Variants in SORCS1 observed in about 807,000 individuals in gnomAD.
SORCS1 encodes the protein sortilin related VPS10 domain containing receptor 1, also known as VPS10 domain-containing receptor SorCS1.
In SORCS1, 60 loss-of-function variants were observed where a neutral mutation model predicts 146.1. The ratio of observed to expected loss-of-function variants is 0.41; its 90% CI spans 0.33 to 0.51. The LOEUF is 0.51. SORCS1 is among the 20% of genes least tolerant of loss of function. The pLI, the probability that SORCS1 is intolerant of heterozygous loss-of-function variation, is 0.21. For synonymous variants in SORCS1, 637 were observed against 584.0 expected, an observed-to-expected ratio of 1.09 and a Z score of -1.31; for missense variants, 1,352 against 1,487.6, an observed-to-expected ratio of 0.91 and a Z score of 1.50.
chr10:106,663,517 T>A (rs1160796567), intron 17 of SORCS1, among the ~76,000 whole-genome samples: 2 of 152,210 alleles, frequency 1.3e-5, no homozygotes, highest in Non-Finnish European at 2.9e-5. Context: ...AGTAAAAATC[T>A]AAATGTATAG....
chr10:106,621,754 G>A (rs1847761597), intron 19 of SORCS1, among the ~76,000 whole-genome samples: 1 of 151,802 alleles, frequency 6.6e-6, no homozygotes, highest in Admixed American at 6.6e-5. Context: ...TTTCTTTTTT[G>A]TTATTCACAT....
intron 2 of SORCS1, among the ~76,000 whole-genome samples, chr10:106,941,351 C>T (rs967713966): frequency 1.6e-4 from 24 of 152,164 alleles, no homozygotes; most frequent in African/African-American, 5.8e-4. Flanking sequence ...CACCATAAGC[C>T]TATTAGATAA....
intron 1 of SORCS1, among the ~76,000 whole-genome samples, chr10:107,000,511 G>C (rs1403812950): frequency 6.6e-6 from 1 of 151,978 alleles, no homozygotes; most frequent in Non-Finnish European, 1.5e-5. Context: ...GGAGGCTGAG[G>C]CAGGGGAATC....
chr10:107,157,934 C>A (rs1336133874), intron 1 of SORCS1, among the ~76,000 whole-genome samples: 1 of 152,152 alleles, frequency 6.6e-6, no homozygotes, highest in Non-Finnish European at 1.5e-5. Flanking sequence ...CTTCTCTACA[C>A]CTTTTAGCCA....
intron 2 of SORCS1, among the ~76,000 whole-genome samples, chr10:106,881,076 CA>C (rs59128024): frequency 0.019 from 1,311 of 69,166 alleles, 21 homozygotes; most frequent in East Asian, 0.14. Context: ...GACTCTGTCT[CA>C]AAAAAAAAAA....
At chr10:106,931,693 C>T (rs1196137819) in intron 2 of SORCS1, among the ~76,000 whole-genome samples, 2 of 152,282 alleles carry the variant, frequency 1.3e-5, no homozygotes, top group Admixed American at 6.5e-5. Context: ...GGTTTAAGAA[C>T]AGGGATAAGT....
At chr10:107,122,334 C>T (rs996207829) in intron 1 of SORCS1, among the ~76,000 whole-genome samples, 5 of 152,106 alleles carry the variant, frequency 3.3e-5, no homozygotes, top group African/African-American at 1.2e-4. Context: ...CATTTCCTTC[C>T]TTCTTTTCCC....
intron 25 of SORCS1, chr10:106,578,692 T>G: frequency 9.8e-7 from 1 of 1,023,740 alleles, no homozygotes; most frequent in South Asian, 3.9e-5. Flanking sequence ...CCATGTTTCA[T>G]TCTAGTCAAT....
intron 2 of SORCS1, among the ~76,000 whole-genome samples, chr10:106,899,774 A>G (rs758853551): frequency 2.0e-5 from 3 of 151,988 alleles, no homozygotes; most frequent in Non-Finnish European, 4.4e-5. Flanking sequence ...AACTTCCTTC[A>G]TAAGTTCCTG....
At chr10:107,024,663 T>C (rs529345740) in intron 1 of SORCS1, among the ~76,000 whole-genome samples, 1 of 152,180 alleles carries the variant, frequency 6.6e-6, no homozygotes, top group Non-Finnish European at 1.5e-5. Context: ...AAAGTACCTA[T>C]CACCCAGTTT....
intron 18 of SORCS1, among the ~76,000 whole-genome samples, chr10:106,639,992 TG>T (rs1848965747): frequency 6.6e-6 from 1 of 151,538 alleles, no homozygotes; most frequent in Non-Finnish European, 1.5e-5. Context: ...CACTCCAGCC[TG>T]GCAACAGGGT....
intron 13 of SORCS1, 132 bp from the exon 14 acceptor site, chr10:106,675,288 A>G: frequency 1.6e-6 from 1 of 637,880 alleles, no homozygotes; most frequent in East Asian, 2.8e-5. Context: ...TGAGCCTTTC[A>G]TATGAATAAG....
chr10:107,061,818 T>C (rs1426983691), intron 1 of SORCS1, among the ~76,000 whole-genome samples: 1 of 152,148 alleles, frequency 6.6e-6, no homozygotes, highest in Non-Finnish European at 1.5e-5. Context: ...GAATGACTCA[T>C]TAAAAACTGC....
At chr10:107,043,384 C>T (rs952646712) in intron 1 of SORCS1, among the ~76,000 whole-genome samples, 19 of 152,086 alleles carry the variant, frequency 1.2e-4, no homozygotes, top group Non-Finnish European at 5.9e-5. Flanking sequence ...ATGTTGATTC[C>T]GCCGTCTGAA....
At chr10:106,632,884 A>G (rs144101658) in intron 18 of SORCS1, among the ~76,000 whole-genome samples, 1 of 152,338 alleles carries the variant, frequency 6.6e-6, no homozygotes, top group Non-Finnish European at 1.5e-5. Context: ...ACCTGAAAGA[A>G]GAAGGTAAAT....
intron 23 of SORCS1, among the ~76,000 whole-genome samples, chr10:106,604,424 A>G (rs1023203835): frequency 6.6e-6 from 1 of 152,078 alleles, no homozygotes; most frequent in African/African-American, 2.4e-5. Flanking sequence ...TTTCAGGTGC[A>G]TTTTTCCATC....
At chr10:106,795,354 G>A (rs1353860426) in intron 3 of SORCS1, among the ~76,000 whole-genome samples, 1 of 151,794 alleles carries the variant, frequency 6.6e-6, no homozygotes, top group Non-Finnish European at 1.5e-5. Context: ...AACATACTTT[G>A]GGATACTAGT....
chr10:106,706,406 G>T, intron 8 of SORCS1, 139 bp downstream of exon 8: 1 of 784,156 alleles, frequency 1.3e-6, no homozygotes. Flanking sequence ...GTAAGGCAGA[G>T]CAAACTTGGG....
intron 2 of SORCS1, among the ~76,000 whole-genome samples, chr10:106,930,771 T>C (rs1439369010): frequency 2.0e-5 from 3 of 152,278 alleles, no homozygotes; most frequent in South Asian, 4.1e-4. Flanking sequence ...ATAAGGCTTC[T>C]AGGTGAAACT....
Sources: allele counts gnomAD v4.1 joint callset (sites outside exome capture counted in the v4.1 genomes callset), GRCh38; gene constraint gnomAD v4.1.1; transcripts MANE v1.5; gene names NCBI Gene and HGNC (gene_info 2026-07-23, HGNC 2026-07-21).